Variants in TSEN2 observed in about 807,000 individuals in gnomAD.
The protein encoded by TSEN2 is tRNA-splicing endonuclease subunit Sen2.
Under a neutral mutation model 59.2 loss-of-function variants are expected in TSEN2, and 54 were observed. The ratio of observed to expected loss-of-function variants is 0.91; its 90% CI spans 0.73 to 1.14. TSEN2 has a LOEUF of 1.14. Ranked by LOEUF, TSEN2 falls within the 50% of genes most tolerant of loss-of-function variation. The pLI is 0.00. For missense variants in TSEN2, 636 were observed against 576.2 expected (o/e 1.10, Z -1.06); for synonymous variants, 195 against 198.2 (o/e 0.98, Z 0.14).
intron 8 of TSEN2, among the ~76,000 whole-genome samples, chr3:12,522,740 A>G (rs745821502): frequency 6.6e-6 from 1 of 152,250 alleles, no homozygotes; most frequent in Non-Finnish European, 1.5e-5. Flanking sequence ...TTTCCCTTGA[A>G]TAAATCTTGT....
rs778183927 is a variant in TSEN2, at chr3:12,502,483, C to A, written c.309-779C>A. On this transcript the variant is annotated intron_variant, in intron 4 of 11. Transcript: ENST00000284995. ...CCCGGGAGGCAGAGGTTACAGTGAG[C>A]CGAAATCGTGCCACTGCACTCCAGC... Among the ~76,000 whole-genome samples, 71 of 151,974 alleles carry A rather than the reference C, an allele frequency of 4.7e-4. 1 individual carries two copies. Among genetic ancestry groups the A allele is most frequent in the Non-Finnish European group, 1.6e-4 (11 of 67,996 alleles).
At chr3:12,506,739 G>A (rs1372655029) in intron 6 of TSEN2, 1 of 985,234 alleles carries the variant, frequency 1.0e-6, no homozygotes, top group Non-Finnish European at 1.2e-6. Context: ...TGCCTTTGAA[G>A]CTAGGACCGC....
At chr3:12,487,459 A>G (rs1292592155) in intron 1 of TSEN2, among the ~76,000 whole-genome samples, 1 of 152,188 alleles carries the variant, frequency 6.6e-6, no homozygotes, top group Non-Finnish European at 1.5e-5. Context: ...TTGTTGAGAG[A>G]ATTTATTAGA....
rs2056146911 is a variant in TSEN2, at chr3:12,516,605, T to A, written c.910-6T>A. On this transcript the variant is annotated splice_polypyrimidine_tract_variant and splice_region_variant and intron_variant, in intron 6 of 11. Coordinates refer to ENST00000284995, the MANE Select transcript of TSEN2 (RefSeq NM_025265.4). ...AATGAGCATTTTCTGCTTGCTGTAT[T>A]TTCAGGCCTTTTTCTTGGTCTATGC... 1 of 1,613,764 alleles carries A rather than the reference T, an allele frequency of 6.2e-7. No homozygotes were observed. The highest frequency in any genetic ancestry group is 1.3e-5 in the African/African-American group (1 of 74,844).
intron 3 of TSEN2, among the ~76,000 whole-genome samples, chr3:12,493,800 G>T (rs2053475022): frequency 6.6e-6 from 1 of 152,152 alleles, no homozygotes; most frequent in African/African-American, 2.4e-5. Context: ...TCATCCTAAT[G>T]AGTATTAAAT....
chr3:12,502,481 A>G (rs897776519), intron 4 of TSEN2, among the ~76,000 whole-genome samples: 7 of 152,098 alleles, frequency 4.6e-5, no homozygotes, highest in African/African-American at 1.4e-4. Flanking sequence ...GGTTACAGTG[A>G]GCCGAAATCG....
chr3:12,508,235 C>T (rs1384044390), intron 6 of TSEN2, among the ~76,000 whole-genome samples: 2 of 152,190 alleles, frequency 1.3e-5, no homozygotes, highest in African/African-American at 2.4e-5. Flanking sequence ...TTAAAGGCTG[C>T]TGCTGCCTGC....
chr3:12,502,512 G>A (rs907662758), intron 4 of TSEN2, among the ~76,000 whole-genome samples: 1 of 151,572 alleles, frequency 6.6e-6, no homozygotes, highest in African/African-American at 2.4e-5. Flanking sequence ...CTCCAGCCTG[G>A]GTGACAGAGC....
chr3:12,530,502 T>C, intron 10 of TSEN2: 21 of 985,468 alleles, frequency 2.1e-5, no homozygotes, highest in Non-Finnish European at 2.5e-5. Context: ...ACAAGGACTA[T>C]CAAGAAAGAA....
At chr3:12,503,205 T>C in intron 4 of TSEN2, 57 bp from the exon 5 acceptor site, 2 of 1,607,694 alleles carry the variant, frequency 1.2e-6, no homozygotes, top group Non-Finnish European at 1.7e-6. Context: ...ATGTGCTTTG[T>C]TGTTTTTTCA....
intron 8 of TSEN2, among the ~76,000 whole-genome samples, chr3:12,527,935 G>A (rs2057219147): frequency 6.6e-6 from 1 of 152,176 alleles, no homozygotes; most frequent in Non-Finnish European, 1.5e-5. Flanking sequence ...AGGGTTCCCT[G>A]CCAGATTCCA....
chr3:12,519,315 T>G, intron 8 of TSEN2, 118 bp downstream of exon 8: 2 of 1,412,752 alleles, frequency 1.4e-6, no homozygotes, highest in Non-Finnish European at 2.0e-6. Flanking sequence ...TCCTTTGGGT[T>G]TAGATAAGAT....
chr3:12,518,974 C>G (rs1190500972), intron 7 of TSEN2, 85 bp from the exon 8 acceptor site: 3 of 1,353,938 alleles, frequency 2.2e-6, no homozygotes, highest in Non-Finnish European at 3.2e-6. Context: ...CAGCTCCACA[C>G]TTAGTATAGA....
At chr3:12,515,108 C>T (rs1245551638) in intron 6 of TSEN2, 1 of 152,146 alleles carries the variant, frequency 6.6e-6, no homozygotes. Context: ...TTGGGGATCC[C>T]AGGATCCCCA....
rs983487780 is a variant in TSEN2 at position 12,506,697 on chromosome 3, T to G, written c.909+1466T>G. Reference sequence around the variant, plus strand: ...TATGCTCAGACCCTCTTTTCTTGCTTATGTTGATAGTGCACACAGAAATGT... The same window carrying G: ...TATGCTCAGACCCTCTTTTCTTGCTGATGTTGATAGTGCACACAGAAATGT... On this transcript the variant is annotated intron_variant, in intron 6 of 11. Coordinates refer to ENST00000284995, the MANE Select transcript of TSEN2 (RefSeq NM_025265.4). 20 of 985,226 alleles carry G rather than the reference T, an allele frequency of 2.0e-5. No homozygotes were observed. The East Asian group carries it at 1.8e-3, about 89-fold the overall frequency. The allele number at this position is 985,226 out of a possible 1,614,324, so 61.0% of individuals were successfully genotyped here.
intron 8 of TSEN2, among the ~76,000 whole-genome samples, chr3:12,525,419 A>G (rs915251653): frequency 1.3e-5 from 2 of 152,224 alleles, no homozygotes; most frequent in South Asian, 4.1e-4. Context: ...TAATAATTAT[A>G]ATAGTTGTCT....
At position 12,503,751 on chromosome 3, in the gene TSEN2, C is replaced by A; in HGVS notation, c.798C>A (p.Ala266=). ...TGCTGGTCGAGGAAGCGGAGTGTGCCATGAGCGAGAGGGAGGCTGCCCCAA... is the reference window on the plus strand; with the variant it reads ...TGCTGGTCGAGGAAGCGGAGTGTGCAATGAGCGAGAGGGAGGCTGCCCCAA... The part of the protein sequence containing the change: ...EYVLVEEAEC[A]MSEREAAPNE... The change falls in exon 5 of 12, where the codon GCC becomes GCA. Residue 266 remains alanine (A), a synonymous_variant. Coordinates refer to ENST00000284995, the MANE Select transcript of TSEN2 (RefSeq NM_025265.4). 6.2e-7 allele frequency: 1 copy of A among 1,614,084 alleles called. No homozygotes were observed. Among genetic ancestry groups the A allele is most frequent in the Middle Eastern group, 1.6e-4 (1 of 6,062 alleles).
At chr3:12,506,578 CA>C (rs537179433) in intron 6 of TSEN2, 44,960 of 353,936 alleles carry the variant, frequency 0.13, 45 homozygotes, top group Middle Eastern at 0.15. Flanking sequence ...GATCCTGTTT[CA>C]AAAAAAAAAA....
chr3:12,498,429 T>C (rs1054456175), intron 4 of TSEN2, among the ~76,000 whole-genome samples: 1 of 152,238 alleles, frequency 6.6e-6, no homozygotes, highest in African/African-American at 2.4e-5. Flanking sequence ...TTTATTGTGT[T>C]ATCACCTTAG....
Sources: gnomAD v4.1 joint callset for allele counts (sites outside exome capture counted in the v4.1 genomes callset) on GRCh38, gnomAD v4.1.1 for gene constraint, MANE v1.5 for transcripts, NCBI Gene and HGNC (gene_info 2026-07-23, HGNC 2026-07-21) for gene names.